CALD1: variants seen among roughly 807,000 people sequenced by gnomAD.
CALD1 encodes the protein caldesmon 1.
A neutral mutation model predicts 99.9 loss-of-function variants in CALD1; 33 were observed. The observed-to-expected ratio is 0.33, with a 90% confidence interval of 0.25 to 0.44. The LOEUF is 0.44. Among genes scored for constraint, CALD1 ranks in the 20% least tolerant of loss-of-function variants. The probability of loss-of-function intolerance (pLI) is 1.00; values close to 1 mark genes in which losing one functional copy is unlikely to be tolerated. For synonymous variants in CALD1, 310 were observed against 325.0 expected (o/e 0.95, Z 0.50); for missense variants, 861 against 962.1 (o/e 0.89, Z 1.39).
intron 1 of CALD1, among the ~76,000 whole-genome samples, chr7:134,830,395 T>C (rs574631343): frequency 1.3e-5 from 2 of 151,888 alleles, no homozygotes; most frequent in African/African-American, 2.4e-5. Flanking sequence ...AAAAATTAGA[T>C]CTTTATTTTT....
intron 3 of CALD1, among the ~76,000 whole-genome samples, chr7:134,882,159 T>C (rs1319121280): frequency 6.6e-6 from 1 of 152,214 alleles, no homozygotes; most frequent in African/African-American, 2.4e-5. Context: ...AAGGCACAAC[T>C]GTGACAAATG....
At chr7:134,732,390 T>C in the CALD1 span, among the ~76,000 whole-genome samples, 51 of 152,130 alleles carry the variant, frequency 3.4e-4, no homozygotes, top group Non-Finnish European at 8.8e-5. Flanking sequence ...ATGATAGTAT[T>C]AAGAGGTGGG....
At chr7:134,886,688 A>G (rs1419374515) in intron 3 of CALD1, among the ~76,000 whole-genome samples, 1 of 152,228 alleles carries the variant, frequency 6.6e-6, no homozygotes, top group Non-Finnish European at 1.5e-5. Context: ...CCTAGAGATA[A>G]GTAGGTTTCT....
At chr7:134,803,830 G>T (rs1263663455) in intron 1 of CALD1, among the ~76,000 whole-genome samples, 1 of 151,976 alleles carries the variant, frequency 6.6e-6, no homozygotes, top group Non-Finnish European at 1.5e-5. Flanking sequence ...TGAATAGCTG[G>T]GATTACAGGT....
At position 134,819,888 on chromosome 7, in the gene CALD1, AAAC is replaced by A. The variant is rs375594266; in HGVS notation, c.-129-23993_-129-23991del. 1.4e-3 allele frequency among the ~76,000 whole-genome samples: 41 copies of A among 30,118 alleles called. No homozygotes were observed. The East Asian group carries it at 0.3, about 220-fold the overall frequency. 19.8% of individuals were successfully genotyped at this position (30,118 alleles called of 152,430 possible). A position where few individuals can be genotyped will look rare whatever the true frequency, so the allele number is the denominator to read the frequency against. On this transcript the variant is annotated intron_variant, in intron 1 of 14. Coordinates refer to ENST00000361675, the MANE Select transcript of CALD1 (RefSeq NM_033138.4). ...GACAATCCCATCTCAAAAACAAAAC[AAAC>A]AAACAAACAAACAAACAAAACCCTG...
chr7:134,897,428 CG>C (rs1802656395), intron 3 of CALD1, among the ~76,000 whole-genome samples: 1 of 149,382 alleles, frequency 6.7e-6, no homozygotes, highest in African/African-American at 2.5e-5. Context: ...TTTCACAAAA[CG>C]GTGCTCACAC....
the CALD1 span, among the ~76,000 whole-genome samples, chr7:134,725,880 G>A: frequency 6.6e-6 from 1 of 152,240 alleles, no homozygotes; most frequent in South Asian, 2.1e-4. Flanking sequence ...GGAGTGACGT[G>A]GCCAAGGCAC....
intron 7 of CALD1, among the ~76,000 whole-genome samples, chr7:134,943,009 GA>G (rs923699292): frequency 6.0e-5 from 9 of 150,468 alleles, no homozygotes; most frequent in Non-Finnish European, 1.2e-4. Context: ...TTTTGGGCAG[GA>G]AAAAAAAATA....
At chr7:134,798,669 T>C (rs1019623443) in intron 1 of CALD1, among the ~76,000 whole-genome samples, 6 of 152,198 alleles carry the variant, frequency 3.9e-5, no homozygotes, top group African/African-American at 1.4e-4. Context: ...TAGTAACAAA[T>C]AGAGAAATTA....
At chr7:134,859,105 T>C (rs1251698627) in intron 2 of CALD1, among the ~76,000 whole-genome samples, 1 of 152,202 alleles carries the variant, frequency 6.6e-6, no homozygotes, top group Non-Finnish European at 1.5e-5. Flanking sequence ...AAAAAATATA[T>C]TTTCGCCATA....
At chr7:134,891,635 CG>C in intron 3 of CALD1, 4 of 1,610,306 alleles carry the variant, frequency 2.5e-6, no homozygotes, top group Non-Finnish European at 3.4e-6. Context: ...TGGGTGGATC[CG>C]GATCGCATGG....
At chr7:134,872,576 T>C (rs1374372823) in intron 3 of CALD1, among the ~76,000 whole-genome samples, 1 of 152,134 alleles carries the variant, frequency 6.6e-6, no homozygotes, top group African/African-American at 2.4e-5. Flanking sequence ...CAAGATACTA[T>C]ACCGAACCAT....
chr7:134,786,450 C>A lies in CALD1; in HGVS notation c.-130+6701C>A, dbSNP rs372271995. Among the ~76,000 whole-genome samples, 49 of 151,974 alleles carry A rather than the reference C, an allele frequency of 3.2e-4. No individual in the cohort carries two copies. The East Asian group carries it at 3.9e-3, about 12-fold the overall frequency. On this transcript the variant is annotated intron_variant, in intron 1 of 14. Transcript: ENST00000361675. ...AAATTTGGGATCTTAAGTAGAAATT[C>A]TTTTTAAAATATGAACCAGTGATCT...
chr7:134,759,795 TC>T (rs779278310), intron 1 of CALD1, among the ~76,000 whole-genome samples: 1 of 152,202 alleles, frequency 6.6e-6, no homozygotes, highest in Non-Finnish European at 1.5e-5. Flanking sequence ...TCAAGGAGCT[TC>T]CATTCTCATG....
chr7:134,753,494 A>G (rs938815763), intron 1 of CALD1, among the ~76,000 whole-genome samples: 2 of 152,188 alleles, frequency 1.3e-5, no homozygotes, highest in Non-Finnish European at 2.9e-5. Flanking sequence ...TTTGAAAAAT[A>G]CTGACATCCG....
chr7:134,898,371 CAG>C (rs1264229766), intron 3 of CALD1, among the ~76,000 whole-genome samples: 1 of 152,136 alleles, frequency 6.6e-6, no homozygotes. Flanking sequence ...AATTTAATAT[CAG>C]AGGAACAACT....
chr7:134,877,001 G>A (rs568304639), intron 3 of CALD1, among the ~76,000 whole-genome samples: 14 of 152,230 alleles, frequency 9.2e-5, no homozygotes, highest in South Asian at 6.2e-4. Context: ...GTTCTACTCC[G>A]CCTCTCTCAG....
intron 3 of CALD1, among the ~76,000 whole-genome samples, chr7:134,884,930 T>C (rs1255969575): frequency 1.3e-5 from 2 of 152,156 alleles, no homozygotes; most frequent in East Asian, 1.9e-4. Context: ...CATATTTTCT[T>C]TCTTTCTTTT....
intron 3 of CALD1, among the ~76,000 whole-genome samples, chr7:134,870,651 A>G (rs1425816324): frequency 2.0e-5 from 3 of 151,274 alleles, no homozygotes; most frequent in Non-Finnish European, 4.4e-5. Context: ...CTTTTGGGAT[A>G]TTATATTGTT....
Sources: allele counts gnomAD v4.1 joint callset (sites outside exome capture counted in the v4.1 genomes callset), GRCh38; gene constraint gnomAD v4.1.1; transcripts MANE v1.5; gene names NCBI Gene and HGNC (gene_info 2026-07-23, HGNC 2026-07-21).